Variants in PCDHA1 observed in about 807,000 individuals in gnomAD.
The protein encoded by PCDHA1 is protocadherin alpha 1.
In PCDHA1, 42 loss-of-function variants were observed where a neutral mutation model predicts 61.3. The observed-to-expected ratio is 0.69, with a 90% CI of 0.54 to 0.89. The LOEUF (loss-of-function observed/expected upper bound fraction) is 0.89, where lower values mean the gene tolerates loss of function less well. Among genes scored for constraint, PCDHA1 ranks in the 40% least tolerant of loss-of-function variants. The pLI is 0.00. For synonymous variants in PCDHA1, 610 were observed against 553.8 expected, an observed-to-expected ratio of 1.10 and a Z score of -1.43; for missense variants, 1,256 against 1,235.3, an observed-to-expected ratio of 1.02 and a Z score of -0.25.
intron 1 of PCDHA1, chr5:140,859,420 C>A: frequency 4.3e-6 from 1 of 233,152 alleles, no homozygotes; most frequent in Non-Finnish European, 8.1e-6. Context: ...ATGATATAGA[C>A]TCAGAAATGA....
Position 140,807,656 on chromosome 5 carries a change from G to A in PCDHA1, c.2394+18972G>A, listed in dbSNP as rs782156904. On this transcript the variant is annotated intron_variant, in intron 1 of 3. Coordinates refer to ENST00000504120, the MANE Select transcript of PCDHA1 (RefSeq NM_018900.4). ...TGACTCTCGGTTTCCACTAGAGGGC[G>A]CCTCGGATGCAGATATCGGGGAGAA... 6.8e-6 allele frequency: 11 copies of A among 1,614,200 alleles called. No homozygotes were observed. In the South Asian group the frequency reaches 1.2e-4, roughly 18 times the overall value.
intron 1 of PCDHA1, chr5:140,851,739 C>T: frequency 1.0e-6 from 1 of 971,880 alleles, no homozygotes; most frequent in Non-Finnish European, 1.2e-6. Context: ...TTTTGAAATT[C>T]AGAGTCTGTA....
chr5:140,829,193 G>A (rs2150163674), intron 1 of PCDHA1: 1 of 1,614,214 alleles, frequency 6.2e-7, no homozygotes, highest in Admixed American at 1.7e-5. Context: ...ATTTGGTACT[G>A]TCATCGCCCT....
rs2150251628 is a variant in PCDHA1, at chr5:140,836,057, G to C, written c.2394+47373G>C. On this transcript the variant is annotated intron_variant, in intron 1 of 3. Coordinates refer to ENST00000504120, the MANE Select transcript of PCDHA1 (RefSeq NM_018900.4). The stretch of plus-strand genomic sequence containing the variant: ...CGCTGCAGGTGTTCGTGCTGGACGA[G>C]AACGACAACGCGCCGGCACTGCTGG... The C allele has an allele frequency of 3.1e-6, 5 of 1,613,614 alleles. No homozygotes were observed. In the South Asian group the frequency reaches 4.4e-5, roughly 14 times the overall value.
At chr5:140,900,626 T>C (rs958637463) in intron 1 of PCDHA1, among the ~76,000 whole-genome samples, 6 of 152,230 alleles carry the variant, frequency 3.9e-5, no homozygotes, top group Non-Finnish European at 7.3e-5. Flanking sequence ...TGCTTCCAAA[T>C]CTTGGCTATT....
intron 1 of PCDHA1, among the ~76,000 whole-genome samples, chr5:140,793,014 C>G (rs1164983489): frequency 6.6e-6 from 1 of 152,164 alleles, no homozygotes; most frequent in African/African-American, 2.4e-5. Context: ...GGACCCATGT[C>G]TAGCCAATGT....
intron 1 of PCDHA1, chr5:140,815,624 A>C (rs1025755235): frequency 2.6e-5 from 4 of 152,122 alleles, no homozygotes; most frequent in Non-Finnish European, 5.9e-5. Context: ...CCACCATTAC[A>C]GTATTATAGT....
At chr5:140,881,382 C>T (rs1312033271) in intron 1 of PCDHA1, 2 of 983,994 alleles carry the variant, frequency 2.0e-6, no homozygotes, top group Non-Finnish European at 2.4e-6. Flanking sequence ...CAGCCGGCGG[C>T]GGTAAGTTAA....
chr5:140,791,576 A>AG (rs1161453458), intron 1 of PCDHA1, among the ~76,000 whole-genome samples: 2 of 112,382 alleles, frequency 1.8e-5, no homozygotes, highest in Non-Finnish European at 4.0e-5. Context: ...AAATTTTAAG[A>AG]GGGGGGCATT....
At chr5:140,939,894 T>A (rs1554213013) in intron 1 of PCDHA1, among the ~76,000 whole-genome samples, 1 of 152,220 alleles carries the variant, frequency 6.6e-6, no homozygotes, top group African/African-American at 2.4e-5. Flanking sequence ...TGTTCAAATA[T>A]TCTGCATTCT....
intron 1 of PCDHA1, chr5:140,857,046 G>A: frequency 6.3e-7 from 1 of 1,595,842 alleles, no homozygotes; most frequent in African/African-American, 1.3e-5. Context: ...GTTGGTCACT[G>A]CACGGTCCTA....
intron 1 of PCDHA1, chr5:140,835,978 A>G (rs1490395920): frequency 6.2e-7 from 1 of 1,613,260 alleles, no homozygotes; most frequent in African/African-American, 1.3e-5. Context: ...GAGCTGTTGC[A>G]GTTCCAGGTG....
intron 1 of PCDHA1, among the ~76,000 whole-genome samples, chr5:140,951,450 C>A: frequency 6.6e-6 from 1 of 151,922 alleles, no homozygotes; most frequent in East Asian, 1.9e-4. Flanking sequence ...ATGATGCCGG[C>A]CATCTGCTTG....
At chr5:140,836,208 T>A (rs2150255452) in intron 1 of PCDHA1, 31 of 1,613,658 alleles carry the variant, frequency 1.9e-5, no homozygotes, top group Non-Finnish European at 2.6e-5. Flanking sequence ...GTGGCTTTCG[T>A]ATGAGTTGCA....
rs782420685 is a variant in PCDHA1, at chr5:140,978,941, T to G, written c.2395-8T>G. 1 of 1,614,158 alleles carries G rather than the reference T, an allele frequency of 6.2e-7. No homozygotes were observed. The highest frequency in any genetic ancestry group is 2.2e-5 in the East Asian group (1 of 44,880). On this transcript the variant is annotated splice_region_variant and splice_polypyrimidine_tract_variant and intron_variant, in intron 1 of 3. Transcript: ENST00000504120. ...TTTTAACAGAAAACTCTCTTTGTGA[T>G]TTTGCAGCCACGACAGCCCAACCCT...
At chr5:140,875,228 T>C in intron 1 of PCDHA1, 5 of 832,094 alleles carry the variant, frequency 6.0e-6, no homozygotes, top group Non-Finnish European at 8.6e-6. Flanking sequence ...CTCAGGATCT[T>C]TCTTGTACTT....
chr5:140,981,335 AG>A (rs2096927378), intron 2 of PCDHA1, among the ~76,000 whole-genome samples: 3 of 152,168 alleles, frequency 2.0e-5, no homozygotes, highest in Non-Finnish European at 4.4e-5. Context: ...GCACTTTGGG[AG>A]GGTGAGGCAG....
Position 141,010,168 on chromosome 5 carries a change from C to T in PCDHA1, c.*231C>T. The T allele has an allele frequency of 6.4e-7, 1 of 1,561,094 alleles. No individual in the cohort carries two copies. On this transcript the variant is annotated 3_prime_UTR_variant, in exon 4 of 4. Coordinates refer to ENST00000504120, the MANE Select transcript of PCDHA1 (RefSeq NM_018900.4). Reference sequence around the variant, plus strand: ...TCTCCACTCTGGCTTGTTTTCAGAACCTAAAAAGCAGACCCAAGTTTCCTT... The same window carrying T: ...TCTCCACTCTGGCTTGTTTTCAGAATCTAAAAAGCAGACCCAAGTTTCCTT...
chr5:140,963,509 G>A, intron 1 of PCDHA1, among the ~76,000 whole-genome samples: 1 of 152,164 alleles, frequency 6.6e-6, no homozygotes, highest in Non-Finnish European at 1.5e-5. Flanking sequence ...CTCTTGAAGG[G>A]GTTCTCATAA....
Sources: gnomAD v4.1 joint callset for allele counts (sites outside exome capture counted in the v4.1 genomes callset) on GRCh38, gnomAD v4.1.1 for gene constraint, MANE v1.5 for transcripts, NCBI Gene and HGNC (gene_info 2026-07-23, HGNC 2026-07-21) for gene names.